Variants in MAP2K5 observed in about 807,000 individuals in gnomAD.
MAP2K5 encodes mitogen-activated protein kinase kinase 5, also known as dual specificity mitogen-activated protein kinase kinase 5.
In MAP2K5, 49 loss-of-function variants were observed where a neutral mutation model predicts 83.1. That is an observed-to-expected ratio of 0.59 (90% CI 0.47 to 0.75). MAP2K5 has a LOEUF of 0.75. Among genes scored for constraint, MAP2K5 ranks in the 30% least tolerant of loss-of-function variants. MAP2K5 has a pLI of 0.00. For synonymous variants in MAP2K5, 202 were observed against 191.8 expected (o/e 1.05, Z -0.44); for missense variants, 457 against 557.5 (o/e 0.82, Z 1.82).
intron 11 of MAP2K5, among the ~76,000 whole-genome samples, chr15:67,657,396 T>C (rs2087111157): frequency 6.6e-6 from 1 of 152,208 alleles, no homozygotes. Flanking sequence ...CATGTAAAGC[T>C]TGATCTTTTT....
Position 67,749,921 on chromosome 15 carries a change from CTG to C in MAP2K5, c.1134+1324_1134+1325del, listed in dbSNP as rs1262198040. Among the ~76,000 whole-genome samples, 2 of 152,202 alleles carry C rather than the reference CTG, an allele frequency of 1.3e-5. No individual in the cohort carries two copies. Among genetic ancestry groups the C allele is most frequent in the African/African-American group, 2.4e-5 (1 of 41,448 alleles). ...CCTACCCAGTTTCGTGCACAGCCTT[CTG>C]TGTTTCCTGGGCTCTACCGTTGGTC... On this transcript the variant is annotated intron_variant, in intron 19 of 21. Coordinates refer to ENST00000178640, the MANE Select transcript of MAP2K5 (RefSeq NM_145160.3). The surrounding 1 kb of genome is among the most constrained non-coding windows in gnomAD (Gnocchi z 4.6).
intron 11 of MAP2K5, among the ~76,000 whole-genome samples, chr15:67,657,852 A>G (rs1328188498): frequency 1.3e-5 from 2 of 152,092 alleles, no homozygotes; most frequent in African/African-American, 2.4e-5. Context: ...TGAAAATTTG[A>G]CATATGAAAA....
At chr15:67,580,968 TTGC>T in intron 4 of MAP2K5, 145 bp downstream of exon 4, 1 of 609,938 alleles carries the variant, frequency 1.6e-6, no homozygotes, top group Non-Finnish European at 3.0e-6. Context: ...ATCGTGGGGA[TTGC>T]AGGCTATATT....
At chr15:67,765,364 T>C (rs1306672330) in intron 19 of MAP2K5, among the ~76,000 whole-genome samples, 3 of 78,756 alleles carry the variant, frequency 3.8e-5, no homozygotes, top group Non-Finnish European at 7.8e-5. Context: ...TCTAATAAAA[T>C]TTTTTTAAAA....
intron 16 of MAP2K5, among the ~76,000 whole-genome samples, chr15:67,727,475 A>G (rs1433712941): frequency 6.6e-6 from 1 of 152,192 alleles, no homozygotes; most frequent in African/African-American, 2.4e-5. Flanking sequence ...TTTCATAATA[A>G]TGTCCATTCC....
intron 15 of MAP2K5, among the ~76,000 whole-genome samples, chr15:67,699,669 C>G (rs899205100): frequency 6.6e-6 from 1 of 152,048 alleles, no homozygotes; most frequent in Non-Finnish European, 1.5e-5. Flanking sequence ...AACTAGCAAG[C>G]AAAGAGAACC....
At chr15:67,617,520 A>G in intron 8 of MAP2K5, among the ~76,000 whole-genome samples, 1 of 152,188 alleles carries the variant, frequency 6.6e-6, no homozygotes, top group East Asian at 1.9e-4. Context: ...TAGAATTTGA[A>G]ATTCTAGGCA....
intron 7 of MAP2K5, among the ~76,000 whole-genome samples, chr15:67,595,650 A>C (rs780401574): frequency 2.2e-4 from 34 of 152,234 alleles, no homozygotes; most frequent in Non-Finnish European, 4.4e-4. Context: ...ACTTTAAAAA[A>C]AGTTTAACAC....
intron 11 of MAP2K5, among the ~76,000 whole-genome samples, chr15:67,648,604 G>A (rs151171353): frequency 0.02 from 3,034 of 150,046 alleles, 49 homozygotes; most frequent in Non-Finnish European, 0.027. Flanking sequence ...ACAGAGTCTC[G>A]CTCTGTCGCC....
intron 17 of MAP2K5, among the ~76,000 whole-genome samples, chr15:67,740,258 G>A (rs1039828382): frequency 1.3e-5 from 2 of 152,142 alleles, no homozygotes; most frequent in East Asian, 3.8e-4. Context: ...ATATGAAATC[G>A]ATAAAGTAAT....
At chr15:67,591,838 G>T (rs2085418994) in intron 6 of MAP2K5, among the ~76,000 whole-genome samples, 1 of 151,888 alleles carries the variant, frequency 6.6e-6, no homozygotes, top group Admixed American at 6.6e-5. Context: ...CACGCCAGGG[G>T]TGGTGGCTCC....
chr15:67,697,791 C>G (rs1470280771), intron 15 of MAP2K5, among the ~76,000 whole-genome samples: 3 of 152,112 alleles, frequency 2.0e-5, no homozygotes, highest in African/African-American at 7.2e-5. Flanking sequence ...ATGAAATAGC[C>G]CTGTATATGT....
Position 67,656,406 on chromosome 15 carries a change from C to A in MAP2K5, c.737-2147C>A, listed in dbSNP as rs376074548. On this transcript the variant is annotated intron_variant, in intron 11 of 21. Transcript: ENST00000178640. ...GTGGCGCAGTCTCTGCTCACTGCAA[C>A]CTTCACCTCCCGGGTTCAAGCAATT... Among the ~76,000 whole-genome samples the A allele has an allele frequency of 4.6e-4, 69 of 150,514 alleles. No homozygotes were observed. The East Asian group carries it at 0.012, about 27-fold the overall frequency.
At chr15:67,739,441 T>C (rs1219360631) in intron 17 of MAP2K5, among the ~76,000 whole-genome samples, 1 of 12,510 alleles carries the variant, frequency 8.0e-5, no homozygotes, top group Non-Finnish European at 1.4e-4. Context: ...TATATATATA[T>C]ATATATATAT....
In MAP2K5 at chr15:67,702,298, G is replaced by A. The variant is rs2088441706; in HGVS notation, c.973-1039G>A. Among the ~76,000 whole-genome samples the A allele has an allele frequency of 3.3e-5, 5 of 152,210 alleles. No homozygotes were observed. The highest frequency in any genetic ancestry group is 3.3e-4 in the Admixed American group (5 of 15,278). The stretch of plus-strand genomic sequence containing the variant: ...GAAAAACACTAAAACAAGGCCTGGT[G>A]TATAGAAATTCTTTAATAAATGCAC... On this transcript the variant is annotated intron_variant, in intron 15 of 21. Transcript: ENST00000178640. This position sits in a 1 kb window ranked among gnomAD's most constrained non-coding sequence, Gnocchi z 4.6.
intron 16 of MAP2K5, among the ~76,000 whole-genome samples, chr15:67,704,548 A>T (rs528561708): frequency 6.6e-6 from 1 of 152,170 alleles, no homozygotes; most frequent in African/African-American, 2.4e-5. Context: ...TAATCTTCAA[A>T]CTCAATTCAC....
At chr15:67,602,923 A>G (rs1346751285) in intron 8 of MAP2K5, among the ~76,000 whole-genome samples, 1 of 152,212 alleles carries the variant, frequency 6.6e-6, no homozygotes, top group Non-Finnish European at 1.5e-5. Context: ...AAGTGCTGGG[A>G]TTACAGGAGT....
At chr15:67,686,271 CAG>C (rs1253058184) in intron 13 of MAP2K5, among the ~76,000 whole-genome samples, 1 of 152,058 alleles carries the variant, frequency 6.6e-6, no homozygotes, top group Non-Finnish European at 1.5e-5. Flanking sequence ...ATTATAATGA[CAG>C]ATATATCATC....
At chr15:67,553,950 T>C (rs1045720766) in intron 2 of MAP2K5, among the ~76,000 whole-genome samples, 1 of 146,750 alleles carries the variant, frequency 6.8e-6, no homozygotes, top group Non-Finnish European at 1.5e-5. Flanking sequence ...AAAGAAATAG[T>C]TGAGAAGATA....
Sources: gnomAD v4.1 joint callset for allele counts (sites outside exome capture counted in the v4.1 genomes callset) on GRCh38, gnomAD v4.1.1 for gene constraint, Gnocchi (gnomAD v3.1) non-coding constraint, MANE v1.5 for transcripts, NCBI Gene and HGNC (gene_info 2026-07-23, HGNC 2026-07-21) for gene names.